STX7: variants seen among roughly 807,000 people sequenced by gnomAD.
STX7 encodes syntaxin 7.
STX7 carries 34 observed loss-of-function variants against 39.6 expected under a neutral mutation model. That is an observed-to-expected ratio of 0.86 (90% CI 0.65 to 1.14). STX7 has a LOEUF of 1.14. Among genes scored for constraint, STX7 ranks in the 50% most tolerant of loss-of-function variants. STX7 has a pLI of 0.00. For missense variants in STX7, 284 were observed against 310.4 expected (o/e 0.92, Z 0.64); for synonymous variants, 119 against 99.1 (o/e 1.20, Z -1.19).
At position 132,458,284 on chromosome 6, in the gene STX7, T is replaced by A. The variant is rs1333411615; in HGVS notation, c.*2474A>T. On this transcript the variant is annotated 3_prime_UTR_variant, in exon 10 of 10. Transcript: ENST00000367941. Reference sequence around the variant, plus strand: ...ACTCCAGACACTGCATCCATGGCTGTCCTAGACTGAGTTGCACTTGTAAAA... The same window carrying A: ...ACTCCAGACACTGCATCCATGGCTGACCTAGACTGAGTTGCACTTGTAAAA... 1.3e-5 allele frequency: 2 copies of A among 152,204 alleles called. No individual in the cohort carries two copies. Among genetic ancestry groups the A allele is most frequent in the African/African-American group, 2.4e-5 (1 of 41,436 alleles). 9.4% of individuals were successfully genotyped at this position (152,204 alleles called of 1,614,324 possible). A position where few individuals can be genotyped will look rare whatever the true frequency, so the allele number is the denominator to read the frequency against.
chr6:132,472,224 A>C, intron 4 of STX7, 58 bp downstream of exon 4: 6 of 1,272,882 alleles, frequency 4.7e-6, no homozygotes, highest in Non-Finnish European at 5.6e-6. Flanking sequence ...AAGATCCTAC[A>C]GTGCACTGGG....
intron 2 of STX7, among the ~76,000 whole-genome samples, chr6:132,480,462 A>G (rs1308509880): frequency 1.3e-5 from 2 of 152,228 alleles, no homozygotes; most frequent in Non-Finnish European, 2.9e-5. Context: ...ATCCATTTGT[A>G]CAATTTTTTC....
At chr6:132,505,918 A>G (rs1246878409) in intron 1 of STX7, among the ~76,000 whole-genome samples, 1 of 152,184 alleles carries the variant, frequency 6.6e-6, no homozygotes, top group East Asian at 1.9e-4. Flanking sequence ...AATGGAATAG[A>G]GAAGTCAGAA....
chr6:132,510,122 A>G (rs1176005962), intron 1 of STX7, among the ~76,000 whole-genome samples: 1 of 152,246 alleles, frequency 6.6e-6, no homozygotes, highest in African/African-American at 2.4e-5. Flanking sequence ...AACTAACACC[A>G]AAATACAGCT....
chr6:132,491,131 G>A (rs933265032), intron 2 of STX7, among the ~76,000 whole-genome samples: 5 of 148,292 alleles, frequency 3.4e-5, no homozygotes, highest in Admixed American at 2.0e-4. Flanking sequence ...AAAAAAAAAT[G>A]GGGAGAGTAA....
intron 1 of STX7, among the ~76,000 whole-genome samples, chr6:132,509,318 G>A (rs1183148054): frequency 6.6e-6 from 1 of 152,032 alleles, no homozygotes; most frequent in African/African-American, 2.4e-5. Context: ...TGGGTGTGGT[G>A]GCATGCGCCT....
chr6:132,506,164 A>T, intron 1 of STX7, among the ~76,000 whole-genome samples: 1 of 152,202 alleles, frequency 6.6e-6, no homozygotes. Context: ...AATATAGGGA[A>T]AACTCTTCTG....
chr6:132,480,421 A>C (rs1347827491), intron 2 of STX7, among the ~76,000 whole-genome samples: 1 of 152,206 alleles, frequency 6.6e-6, no homozygotes, highest in African/African-American at 2.4e-5. Context: ...AGGTCGAAGT[A>C]AAGTCCAATA....
At position 132,448,009 on chromosome 6, in the gene STX7, T is replaced by C. The variant is rs982059461; in HGVS notation, c.*12749A>G. 2 of 152,194 alleles carry C rather than the reference T, an allele frequency of 1.3e-5. No homozygotes were observed. 9.4% of individuals were successfully genotyped at this position (152,194 alleles called of 1,614,324 possible). A position where few individuals can be genotyped will look rare whatever the true frequency, so the allele number is the denominator to read the frequency against. On this transcript the variant is annotated 3_prime_UTR_variant, in exon 10 of 10. Coordinates refer to ENST00000367941, the MANE Select transcript of STX7 (RefSeq NM_003569.3). Reference sequence around the variant, plus strand: ...GTTTCCTCTCTACTGGTTTGAAAGTTATATTGTATTGCTATTCTTTAAAGG... The same window carrying C: ...GTTTCCTCTCTACTGGTTTGAAAGTCATATTGTATTGCTATTCTTTAAAGG...
Position 132,472,391 on chromosome 6 carries a change from A to G in STX7, c.156-16T>C, listed in dbSNP as rs1414465028. 2 of 1,594,160 alleles carry G rather than the reference A, an allele frequency of 1.3e-6. No individual in the cohort carries two copies. Among genetic ancestry groups the G allele is most frequent in the Non-Finnish European group, 1.7e-6 (2 of 1,166,610 alleles). On this transcript the variant is annotated splice_polypyrimidine_tract_variant and intron_variant, in intron 3 of 9. Transcript: ENST00000367941. ...CTTCTGTTGCCTAAAGTGAGAAAAC[A>G]CGCATTACAGCCAAAGGACTAATAT...
chr6:132,463,298 G>A (rs985808918), intron 9 of STX7, among the ~76,000 whole-genome samples: 1 of 152,130 alleles, frequency 6.6e-6, no homozygotes, highest in Non-Finnish European at 1.5e-5. Flanking sequence ...AATGCTACAT[G>A]GTATTTAGGG....
rs530996377 is a variant in STX7, at chr6:132,454,837, A to C, written c.*5921T>G. On this transcript the variant is annotated 3_prime_UTR_variant, in exon 10 of 10. Transcript: ENST00000367941. The stretch of plus-strand genomic sequence containing the variant: ...CCAAGATAGAACTAACGTGAATGAT[A>C]TATAACTAAGGTTATCTTACTATTA... 9.2e-5 allele frequency: 14 copies of C among 152,282 alleles called. No homozygotes were observed. The highest frequency in any genetic ancestry group is 2.9e-4 in the African/African-American group (12 of 41,578). 9.4% of individuals were successfully genotyped at this position (152,282 alleles called of 1,614,324 possible).
chr6:132,473,166 T>C (rs777951642), intron 3 of STX7, among the ~76,000 whole-genome samples: 19 of 151,724 alleles, frequency 1.3e-4, no homozygotes, highest in Non-Finnish European at 1.8e-4. Flanking sequence ...TCTCAAAAAA[T>C]AAAAATAAAA....
At chr6:132,480,797 T>C (rs1357398409) in intron 2 of STX7, among the ~76,000 whole-genome samples, 1 of 152,130 alleles carries the variant, frequency 6.6e-6, no homozygotes, top group Non-Finnish European at 1.5e-5. Context: ...AACAGGAAAA[T>C]AGTAATACAA....
chr6:132,447,233 T>C lies in STX7; in HGVS notation c.*13525A>G, dbSNP rs1774032251. Reference sequence around the variant, plus strand: ...TTAGACTCACTAGACATTGATTAGCTGACTGACATAGAGCGTTTCTTATCA... The same window carrying C: ...TTAGACTCACTAGACATTGATTAGCCGACTGACATAGAGCGTTTCTTATCA... On this transcript the variant is annotated 3_prime_UTR_variant, in exon 10 of 10. Coordinates refer to ENST00000367941, the MANE Select transcript of STX7 (RefSeq NM_003569.3). 6.6e-6 allele frequency: 1 copy of C among 152,182 alleles called. No individual in the cohort carries two copies. The highest frequency in any genetic ancestry group is 2.1e-4 in the South Asian group (1 of 4,836). 9.4% of individuals were successfully genotyped at this position (152,182 alleles called of 1,614,324 possible). A position where few individuals can be genotyped will look rare whatever the true frequency, so the allele number is the denominator to read the frequency against.
At chr6:132,476,933 C>T in intron 2 of STX7, among the ~76,000 whole-genome samples, 1 of 152,038 alleles carries the variant, frequency 6.6e-6, no homozygotes, top group African/African-American at 2.4e-5. Flanking sequence ...ATCTAACCCC[C>T]TCATTCTTTT....
intron 2 of STX7, among the ~76,000 whole-genome samples, chr6:132,478,877 C>T (rs541363797): frequency 2.5e-4 from 38 of 152,178 alleles, no homozygotes; most frequent in Non-Finnish European, 4.9e-4. Context: ...GCTTATCTCA[C>T]GGTTATGCAC....
intron 1 of STX7, among the ~76,000 whole-genome samples, chr6:132,508,381 A>G (rs1286486207): frequency 1.3e-5 from 2 of 151,970 alleles, no homozygotes; most frequent in Non-Finnish European, 2.9e-5. Context: ...AACACAATCA[A>G]TTTTCTTCAT....
chr6:132,483,210 T>C (rs1026538420), intron 2 of STX7, among the ~76,000 whole-genome samples: 2 of 152,222 alleles, frequency 1.3e-5, no homozygotes, highest in East Asian at 1.9e-4. Flanking sequence ...AAGTTTCTAA[T>C]ATAAAATGGC....
Sources: allele counts gnomAD v4.1 joint callset (sites outside exome capture counted in the v4.1 genomes callset), GRCh38; gene constraint gnomAD v4.1.1; transcripts MANE v1.5; gene names NCBI Gene and HGNC (gene_info 2026-07-23, HGNC 2026-07-21).